Variants in RTL4 observed in about 807,000 individuals in gnomAD.
The protein encoded by RTL4 is retrotransposon Gag-like protein 4.
Under a neutral mutation model 5.3 loss-of-function variants are expected in RTL4, and 4 were observed. That is an observed-to-expected ratio of 0.75 (90% CI 0.37 to 1.72). The LOEUF is 1.72. RTL4 is among the 40% of genes most tolerant of loss of function. The pLI, the probability that RTL4 is intolerant of heterozygous loss-of-function variation, is 0.04. For missense variants in RTL4, 260 were observed against 227.1 expected, an observed-to-expected ratio of 1.14 and a Z score of -0.93; for synonymous variants, 98 against 87.3, an observed-to-expected ratio of 1.12 and a Z score of -0.68.
chrX:112,333,342 G>A, the RTL4 span, among the ~76,000 whole-genome samples: 1 of 110,800 alleles, frequency 9.0e-6, no homozygotes, highest in Admixed American at 9.7e-5. Context: ...ATTGTGTATA[G>A]TATACTGAAA....
the RTL4 span, among the ~76,000 whole-genome samples, chrX:112,231,472 A>C: frequency 9.4e-6 from 1 of 106,658 alleles, no homozygotes; most frequent in Non-Finnish European, 1.9e-5. Flanking sequence ...TAACACAAGG[A>C]CAAAAACCAA....
chrX:112,162,954 C>T, the RTL4 span, among the ~76,000 whole-genome samples: 2 of 111,895 alleles, frequency 1.8e-5, no homozygotes, highest in African/African-American at 3.3e-5. Context: ...TCAATGTTGA[C>T]GCCTGCTGCT....
the RTL4 span, among the ~76,000 whole-genome samples, chrX:112,300,191 G>A: frequency 9.0e-6 from 1 of 111,002 alleles, no homozygotes; most frequent in Non-Finnish European, 1.9e-5. Flanking sequence ...GATTAATAAT[G>A]CATCTTGATA....
the RTL4 span, among the ~76,000 whole-genome samples, chrX:112,203,372 A>G: frequency 9.0e-6 from 1 of 111,516 alleles, no homozygotes; most frequent in African/African-American, 3.3e-5. Flanking sequence ...TTATTCTTCA[A>G]AATTACATTT....
At chrX:112,240,915 G>A in the RTL4 span, among the ~76,000 whole-genome samples, 1 of 110,692 alleles carries the variant, frequency 9.0e-6, no homozygotes, top group Non-Finnish European at 1.9e-5. Context: ...GAGAACATGT[G>A]GTGTTTGGTT....
At chrX:112,115,814 A>T in the RTL4 span, among the ~76,000 whole-genome samples, 1 of 112,128 alleles carries the variant, frequency 8.9e-6, no homozygotes, top group Non-Finnish European at 1.9e-5. Context: ...AGCCTCGGAG[A>T]ATAGAGGTGG....
chrX:112,431,117 C>A, the RTL4 span, among the ~76,000 whole-genome samples: 11 of 110,365 alleles, frequency 1.0e-4, no homozygotes, highest in Admixed American at 1.1e-3. Context: ...TCTTTAGGTA[C>A]CACAGGATGA....
chrX:112,255,361 A>G, the RTL4 span, among the ~76,000 whole-genome samples: 1 of 112,022 alleles, frequency 8.9e-6, no homozygotes, highest in Non-Finnish European at 1.9e-5. Context: ...TTGGAGGGAC[A>G]AGATACAACG....
At chrX:112,373,729 A>G in the RTL4 span, among the ~76,000 whole-genome samples, 1 of 109,968 alleles carries the variant, frequency 9.1e-6, no homozygotes, top group African/African-American at 3.3e-5. Flanking sequence ...ATCAAGGTAT[A>G]GAACATTTTT....
At chrX:112,321,621 A>G in the RTL4 span, among the ~76,000 whole-genome samples, 1 of 111,848 alleles carries the variant, frequency 8.9e-6, no homozygotes, top group African/African-American at 3.2e-5. Flanking sequence ...AAATAAAACT[A>G]AATGTTTGAA....
the RTL4 span, among the ~76,000 whole-genome samples, chrX:112,231,393 T>C: frequency 9.1e-6 from 1 of 109,330 alleles, no homozygotes; most frequent in African/African-American, 3.3e-5. Context: ...TATGCAGCCA[T>C]AAAAAAGGAT....
chrX:112,353,596 C>T, the RTL4 span, among the ~76,000 whole-genome samples: 19 of 110,530 alleles, frequency 1.7e-4, no homozygotes, highest in Admixed American at 1.6e-3. Context: ...AAAAACCAAA[C>T]ACCGCATGTT....
the RTL4 span, among the ~76,000 whole-genome samples, chrX:112,404,486 C>A: frequency 9.0e-6 from 1 of 111,678 alleles, no homozygotes; most frequent in African/African-American, 3.3e-5. Flanking sequence ...TTTCTCTTTG[C>A]GTCCCCTTCT....
chrX:112,377,477 T>C, the RTL4 span, among the ~76,000 whole-genome samples: 2 of 112,047 alleles, frequency 1.8e-5, no homozygotes, highest in African/African-American at 3.2e-5. Flanking sequence ...TCACTGCTGC[T>C]GCCCAGTATT....
chrX:112,292,243 C>T, the RTL4 span, among the ~76,000 whole-genome samples: 4 of 111,719 alleles, frequency 3.6e-5, no homozygotes, highest in Middle Eastern at 4.6e-3. Context: ...GAAAACCAGA[C>T]GGAAACTCAG....
chrX:112,449,282 C>T, the RTL4 span, among the ~76,000 whole-genome samples: 1 of 111,480 alleles, frequency 9.0e-6, no homozygotes, highest in Non-Finnish European at 1.9e-5. Context: ...TACCCTCTCT[C>T]TTGCCCCTAA....
At chrX:112,123,169 T>C in the RTL4 span, among the ~76,000 whole-genome samples, 1 of 111,875 alleles carries the variant, frequency 8.9e-6, no homozygotes, top group Non-Finnish European at 1.9e-5. Context: ...TCCAACCAAA[T>C]CAGAACTAAA....
At chrX:112,120,586 T>G in the RTL4 span, among the ~76,000 whole-genome samples, 2 of 108,822 alleles carry the variant, frequency 1.8e-5, no homozygotes, top group African/African-American at 6.7e-5. Flanking sequence ...TGGGGTTTTT[T>G]TTTTTTTTTT....
chrX:112,188,490 G>A, the RTL4 span, among the ~76,000 whole-genome samples: 9 of 111,915 alleles, frequency 8.0e-5, no homozygotes, highest in African/African-American at 2.9e-4. Context: ...AGCAAATGAT[G>A]AAAAAGGAAA....
Sources: gnomAD v4.1 joint callset for allele counts (sites outside exome capture counted in the v4.1 genomes callset) on GRCh38, gnomAD v4.1.1 for gene constraint, MANE v1.5 for transcripts, NCBI Gene and HGNC (gene_info 2026-07-23, HGNC 2026-07-21) for gene names.